Variants in ANAPC2 observed in about 807,000 individuals in gnomAD.
The protein encoded by ANAPC2 is anaphase-promoting complex subunit 2.
In ANAPC2, 29 loss-of-function variants were observed where a neutral mutation model predicts 84.3. The observed-to-expected ratio is 0.34, with a 90% CI of 0.26 to 0.47. The LOEUF (loss-of-function observed/expected upper bound fraction) is 0.47, where lower values mean the gene tolerates loss of function less well. Among genes scored for constraint, ANAPC2 ranks in the 20% least tolerant of loss-of-function variants. The probability of loss-of-function intolerance (pLI) is 1.00; values close to 1 mark genes in which losing one functional copy is unlikely to be tolerated. For missense variants in ANAPC2, 857 were observed against 1,131.7 expected (o/e 0.76, Z 3.48); for synonymous variants, 571 against 479.4 (o/e 1.19, Z -2.50).
At position 137,180,263 on chromosome 9, in the gene ANAPC2, G is replaced by T; in HGVS notation, c.1808C>A (p.Pro603His). The change falls in exon 10 of 13, where the codon CCC becomes CAC. Residue 603 changes from proline to histidine, a missense_variant. By Grantham distance (77) the Pro-to-His change is moderately conservative (BLOSUM62 -2). Coordinates refer to ENST00000323927, the MANE Select transcript of ANAPC2 (RefSeq NM_013366.4). ...GACCTCCAGCTTCTCGTCCTTGAAG[G>T]GCGGCCAGAACTCACTGGACAGGAT... Reference protein sequence around the residue: ...AVILSSEFWPPFKDEKLEVPE... With the variant: ...AVILSSEFWPHFKDEKLEVPE... 6.2e-7 allele frequency: 1 copy of T among 1,613,774 alleles called. No homozygotes were observed. Among genetic ancestry groups the T allele is most frequent in the South Asian group, 1.1e-5 (1 of 91,088 alleles).
chr9:137,187,824 C>T lies in ANAPC2; in HGVS notation c.397G>A (p.Glu133Lys). The change falls in exon 2 of 13, where the codon GAG (glutamate) becomes AAG (lysine). Residue 133 changes from glutamate to lysine, a missense_variant. By Grantham distance (56) the Glu-to-Lys change is moderately conservative. Coordinates refer to ENST00000323927, the MANE Select transcript of ANAPC2 (RefSeq NM_013366.4). ...AGCAAGCCCAGGCGAGTCCATTTCT[C>T]CAGCAGCTCTAGGCTACGCAGGTAG... Reference protein sequence around the residue: ...DPYLRSLELLEKWTRLGLLMG... With the variant: ...DPYLRSLELLKKWTRLGLLMG... The T allele has an allele frequency of 6.2e-7, 1 of 1,613,674 alleles. No homozygotes were observed. The highest frequency in any genetic ancestry group is 8.5e-7 in the Non-Finnish European group (1 of 1,180,046).
In ANAPC2 at chr9:137,175,468, G is replaced by A. The variant is rs935835153; in HGVS notation, c.2025C>T (p.Ser675=). 1.9e-6 allele frequency: 3 copies of A among 1,566,830 alleles called. No individual in the cohort carries two copies. Among genetic ancestry groups the A allele is most frequent in the Non-Finnish European group, 2.6e-6 (3 of 1,157,292 alleles). ...VILLYFQDQA[S]WTLEELSKAV... Reference sequence around the variant, plus strand: ...CCTTGCTCAGTTCCTCCAGGGTCCAGCTGGCTGCGTGCAGAGTCACCGGGA... The same window carrying A: ...CCTTGCTCAGTTCCTCCAGGGTCCAACTGGCTGCGTGCAGAGTCACCGGGA... The change falls in exon 12 of 13, where the codon AGC becomes AGT. Residue 675 remains serine, a synonymous_variant. Transcript: ENST00000323927.
chr9:137,187,302 G>C (rs183049651), intron 2 of ANAPC2, 179 bp downstream of exon 2: 2 of 772,542 alleles, frequency 2.6e-6, no homozygotes. Flanking sequence ...GAAGGTGAGT[G>C]ACAGAAGAGA....
chr9:137,187,446 G>A lies in ANAPC2; in HGVS notation c.740+35C>T, dbSNP rs373248031. The A allele has an allele frequency of 3.8e-4, 597 of 1,577,060 alleles. 1 individual carries two copies. Among genetic ancestry groups the A allele is most frequent in the Non-Finnish European group, 5.0e-4 (583 of 1,157,798 alleles). On this transcript the variant is annotated intron_variant, in intron 2 of 12. Transcript: ENST00000323927. ...CAGGGGAGCAGCGGGGAACCAGAAG[G>A]AGCAAGGGCATGGCCATCGGGACAG...
intron 3 of ANAPC2, among the ~76,000 whole-genome samples, chr9:137,185,373 C>T (rs912015826): frequency 7.2e-5 from 11 of 152,240 alleles, no homozygotes; most frequent in African/African-American, 2.7e-4. Context: ...CAGACACACA[C>T]GACCTGTGCG....
In ANAPC2 at chr9:137,180,091, C is replaced by T. The variant is rs568058882; in HGVS notation, c.1890+90G>A. On this transcript the variant is annotated intron_variant, in intron 10 of 12. Coordinates refer to ENST00000323927, the MANE Select transcript of ANAPC2 (RefSeq NM_013366.4). ...CAACCCAGAGACACTCGGGTGACAA[C>T]GGGGCAGCCACAGGCACCAGGCTGC... 9.5e-5 allele frequency: 134 copies of T among 1,413,590 alleles called. No homozygotes were observed. The Middle Eastern group carries it at 2.4e-3, about 25-fold the overall frequency. 87.6% of individuals were successfully genotyped at this position (1,413,590 alleles called of 1,614,324 possible). A position where few individuals can be genotyped will look rare whatever the true frequency, so the allele number is the denominator to read the frequency against.
Position 137,188,085 on chromosome 9 carries a change from C to T in ANAPC2, c.136G>A (p.Gly46Ser), listed in dbSNP as rs375930618. Reference sequence around the variant, plus strand: ...TCCTCTTCCTTTGGCGGGACTGCACCGCTGGTCCGGGAAGACACCTGGGGT... The same window carrying T: ...TCCTCTTCCTTTGGCGGGACTGCACTGCTGGTCCGGGAAGACACCTGGGGT... ...ALGLVSSRTS[G>S]AVPPKEEELR... The change falls in exon 2 of 13, where the codon GGT becomes AGT. Residue 46 changes from glycine (G) to serine (S), a missense_variant. Physicochemically the swap from Gly to Ser is moderately conservative, Grantham distance 56 (BLOSUM62 0). Transcript: ENST00000323927. 36 of 1,612,136 alleles carry T rather than the reference C, an allele frequency of 2.2e-5. No individual in the cohort carries two copies. The highest frequency in any genetic ancestry group is 2.7e-5 in the Non-Finnish European group (32 of 1,179,712).
At position 137,180,232 on chromosome 9, in the gene ANAPC2, C is replaced by T. The variant is rs1357431629; in HGVS notation, c.1839G>A (p.Glu613=). 6.2e-7 allele frequency: 1 copy of T among 1,613,716 alleles called. No homozygotes were observed. Among genetic ancestry groups the T allele is most frequent in the Admixed American group, 1.7e-5 (1 of 60,014 alleles). Residue 613 remains glutamate, a synonymous_variant, in exon 10 of 13, where the codon GAG becomes GAA. Transcript: ENST00000323927. The part of the protein sequence containing the change: ...PFKDEKLEVP[E]DIRAALEAYC... ...AAGCCTCCAGGGCTGCCCTGATATC[C>T]TCGGGGACCTCCAGCTTCTCGTCCT...
At chr9:137,184,855 A>G in intron 4 of ANAPC2, 58 bp downstream of exon 4, 2 of 1,582,980 alleles carry the variant, frequency 1.3e-6, no homozygotes, top group Non-Finnish European at 1.7e-6. Flanking sequence ...GACACGGGGA[A>G]GGCCCTGGGA....
chr9:137,174,873 G>A lies in ANAPC2; in HGVS notation c.*69C>T. The A allele has an allele frequency of 6.9e-7, 1 of 1,458,780 alleles. No homozygotes were observed. Among genetic ancestry groups the A allele is most frequent in the Non-Finnish European group, 9.1e-7 (1 of 1,102,670 alleles). 90.4% of individuals were successfully genotyped at this position (1,458,780 alleles called of 1,614,324 possible). ...CATTCTGGGACACGGGCGGGCGGGG[G>A]CTGGCACGGGAGGACGAGAGCACCT... On this transcript the variant is annotated 3_prime_UTR_variant, in exon 13 of 13. Transcript: ENST00000323927. The surrounding 1 kb of genome is among the most constrained non-coding windows in gnomAD (Gnocchi z 6.1).
chr9:137,183,501 G>A (rs1834386053), intron 5 of ANAPC2, 171 bp downstream of exon 5: 1 of 1,054,434 alleles, frequency 9.5e-7, no homozygotes, highest in Non-Finnish European at 1.3e-6. Context: ...AAACAAGCAA[G>A]CTGACGGGCA....
Position 137,187,605 on chromosome 9 carries a change from G to A in ANAPC2, c.616C>T (p.Arg206Trp), listed in dbSNP as rs1834505550. Residue 206 changes from arginine (R) to tryptophan (W), a missense_variant, in exon 2 of 13, where the codon CGG becomes TGG. Physicochemically the swap from Arg to Trp is moderately radical, Grantham distance 101. Transcript: ENST00000323927. ...CGGTAGTACCGGCGACGGGCATACC[G>A]GCTGTCCAGCTCCCCTTCCAGTTCC... ...DPELEGELDS[R>W]YARRRYYRLL... The A allele has an allele frequency of 6.2e-7, 1 of 1,613,876 alleles. No individual in the cohort carries two copies.
chr9:137,179,540 C>A (rs1412883691), intron 10 of ANAPC2, among the ~76,000 whole-genome samples: 3 of 152,202 alleles, frequency 2.0e-5, no homozygotes, highest in Admixed American at 2.0e-4. Context: ...GTGGCCAATA[C>A]CATCCTCTGG....
At position 137,175,451 on chromosome 9, in the gene ANAPC2, A is replaced by G. The variant is rs1346308569; in HGVS notation, c.2042T>C (p.Leu681Pro). 1 of 1,588,264 alleles carries G rather than the reference A, an allele frequency of 6.3e-7. No individual in the cohort carries two copies. Among genetic ancestry groups the G allele is most frequent in the Non-Finnish European group, 8.6e-7 (1 of 1,168,888 alleles). Residue 681 changes from leucine (L) to proline (P), a missense_variant, in exon 12 of 13, where the codon CTG becomes CCG. This residue lies in a region of ANAPC2 where 425 missense variants were observed against 595.5 expected (regional missense o/e 0.71). Transcript: ENST00000323927. The stretch of plus-strand genomic sequence containing the variant: ...CACGGGCATCTTCACCGCCTTGCTC[A>G]GTTCCTCCAGGGTCCAGCTGGCTGC... ...QDQASWTLEELSKAVKMPVAL... is the reference protein window; with the variant it reads ...QDQASWTLEEPSKAVKMPVAL...
chr9:137,180,109 C>G, intron 10 of ANAPC2, 72 bp downstream of exon 10: 1 of 1,497,874 alleles, frequency 6.7e-7, no homozygotes, highest in Non-Finnish European at 9.1e-7. Context: ...CCACAGGCAC[C>G]AGGCTGCTGG....
chr9:137,181,947 A>G, intron 6 of ANAPC2, 85 bp from the exon 7 acceptor site: 1 of 1,449,066 alleles, frequency 6.9e-7, no homozygotes, highest in Non-Finnish European at 9.2e-7. Flanking sequence ...GGCCCCATCT[A>G]GGCCAGCACC....
chr9:137,183,822 G>A, intron 4 of ANAPC2, 31 bp from the exon 5 acceptor site: 1 of 1,610,680 alleles, frequency 6.2e-7, no homozygotes, highest in Non-Finnish European at 8.5e-7. Flanking sequence ...CTCAGGGACA[G>A]ACATGGATGC....
chr9:137,182,567 G>C (rs1194105918), intron 6 of ANAPC2, among the ~76,000 whole-genome samples: 1 of 152,086 alleles, frequency 6.6e-6, no homozygotes, highest in Admixed American at 6.5e-5. Flanking sequence ...CAGCCACAAA[G>C]CACCAAAGGA....
At position 137,187,810 on chromosome 9, in the gene ANAPC2, G is replaced by A. The variant is rs780237586; in HGVS notation, c.411C>T (p.Arg137=). 6.2e-6 allele frequency: 10 copies of A among 1,613,634 alleles called. No homozygotes were observed. In the Admixed American group the frequency reaches 1.7e-4, roughly 27 times the overall value. Residue 137 remains arginine, a synonymous_variant, in exon 2 of 13, where the codon CGC becomes CGT. Coordinates refer to ENST00000323927, the MANE Select transcript of ANAPC2 (RefSeq NM_013366.4). ...RSLELLEKWT[R]LGLLMGTGAQ... is the part of the protein sequence containing the mutation. Reference sequence around the variant, plus strand: ...CACCAGTGCCCATCAGCAAGCCCAGGCGAGTCCATTTCTCCAGCAGCTCTA... The same window carrying A: ...CACCAGTGCCCATCAGCAAGCCCAGACGAGTCCATTTCTCCAGCAGCTCTA...
Sources: allele counts gnomAD v4.1 joint callset (sites outside exome capture counted in the v4.1 genomes callset), GRCh38; gene constraint gnomAD v4.1.1; regional missense constraint gnomAD v4.1.1; non-coding constraint Gnocchi (gnomAD v3.1); transcripts MANE v1.5; gene names NCBI Gene and HGNC (gene_info 2026-07-23, HGNC 2026-07-21).